The following ITPKB variants were observed in gnomAD, a reference collection of about 807,000 sequenced individuals.
ITPKB encodes IP3 3-kinase B.
In ITPKB, 13 loss-of-function variants were observed where a neutral mutation model predicts 69.4. That is an observed-to-expected ratio of 0.19 (90% CI 0.12 to 0.30). The LOEUF is 0.30. ITPKB is among the 10% of genes least tolerant of loss of function. The probability of loss-of-function intolerance (pLI) is 1.00; values close to 1 mark genes in which losing one functional copy is unlikely to be tolerated. For synonymous variants in ITPKB, 584 were observed against 513.7 expected (o/e 1.14, Z -1.85); for missense variants, 1,240 against 1,250.5 (o/e 0.99, Z 0.13).
At chr1:226,657,114 G>A (rs1435699976) in intron 2 of ITPKB, 1 of 152,244 alleles carries the variant, frequency 6.6e-6, no homozygotes, top group Non-Finnish European at 1.5e-5. Context: ...GCAGCTCCGG[G>A]AACTCATGGG....
chr1:226,673,643 G>A (rs534105871), intron 2 of ITPKB, among the ~76,000 whole-genome samples: 6 of 152,184 alleles, frequency 3.9e-5, no homozygotes, highest in East Asian at 1.9e-4. Context: ...TAGAGTCATC[G>A]TATAAACATA....
intron 2 of ITPKB, among the ~76,000 whole-genome samples, chr1:226,702,892 A>T (rs1182404221): frequency 6.6e-6 from 1 of 152,196 alleles, no homozygotes; most frequent in Non-Finnish European, 1.5e-5. Flanking sequence ...GAACTAAGAG[A>T]ATTTCATTCC....
At position 226,666,432 on chromosome 1, in the gene ITPKB, C is replaced by T. The variant is rs182419950; in HGVS notation, c.1933-17661G>A. Among the ~76,000 whole-genome samples the T allele has an allele frequency of 1.3e-3, 194 of 152,264 alleles. 1 individual carries two copies. Among genetic ancestry groups the T allele is most frequent in the African/African-American group, 4.5e-3 (187 of 41,550 alleles). On this transcript the variant is annotated intron_variant, in intron 2 of 7. Transcript: ENST00000429204. ...TGTGACGGACATGGCTCCCTGGTGT[C>T]CAGGGGCTCCAGGGGCTCTGGGAAG...
chr1:226,664,005 C>G (rs1417817433), intron 2 of ITPKB, among the ~76,000 whole-genome samples: 5 of 152,286 alleles, frequency 3.3e-5, no homozygotes, highest in African/African-American at 1.2e-4. Flanking sequence ...AACCAAGAAA[C>G]AGAGCATCGA....
chr1:226,668,804 A>C (rs372517331), intron 2 of ITPKB: 35 of 152,368 alleles, frequency 2.3e-4, no homozygotes, highest in African/African-American at 7.2e-4. Context: ...GATCATGATG[A>C]ATAGGGAAAG....
chr1:226,637,467 A>G lies in ITPKB; in HGVS notation c.2625+212T>C, dbSNP rs1185505425. 6.6e-6 allele frequency among the ~76,000 whole-genome samples: 1 copy of G among 152,208 alleles called. No homozygotes were observed. Among genetic ancestry groups the G allele is most frequent in the Admixed American group, 6.5e-5 (1 of 15,280 alleles). ...GACAAGGGAGGAGAAAGGGGGCAAT[A>G]GCCAGGGGTCTCAGGCAGGACAGCC... On this transcript the variant is annotated intron_variant, in intron 7 of 7. Transcript: ENST00000429204. The surrounding 1 kb of genome is among the most constrained non-coding windows in gnomAD (Gnocchi z 4.3).
At chr1:226,724,207 G>C (rs1005860731) in intron 2 of ITPKB, among the ~76,000 whole-genome samples, 2 of 152,090 alleles carry the variant, frequency 1.3e-5, no homozygotes, top group African/African-American at 4.8e-5. Context: ...GTGAGGGTGT[G>C]GGTTCAGGTC....
At chr1:226,651,512 C>G (rs891054263) in intron 2 of ITPKB, among the ~76,000 whole-genome samples, 1 of 152,122 alleles carries the variant, frequency 6.6e-6, no homozygotes, top group Admixed American at 6.5e-5. Context: ...GAAGTTACTT[C>G]AAGAATGGTC....
At position 226,712,907 on chromosome 1, in the gene ITPKB, C is replaced by T. The variant is rs543374097; in HGVS notation, c.1932+22620G>A. 3.9e-5 allele frequency among the ~76,000 whole-genome samples: 6 copies of T among 152,212 alleles called. 1 individual carries two copies. In the South Asian group the frequency reaches 1.0e-3, roughly 26 times the overall value. On this transcript the variant is annotated intron_variant, in intron 2 of 7. Coordinates refer to ENST00000429204, the MANE Select transcript of ITPKB (RefSeq NM_002221.4). ...CAGCAAACCACAGGATGGTCAGTAA[C>T]GCTCACGCAGCTGCACACAACTTCC...
At chr1:226,723,171 G>A (rs760082905) in intron 2 of ITPKB, among the ~76,000 whole-genome samples, 8 of 152,038 alleles carry the variant, frequency 5.3e-5, no homozygotes, top group South Asian at 2.1e-4. Flanking sequence ...CATCAGCTCC[G>A]TCCAGTCACC....
At chr1:226,658,627 T>G (rs16846350) in intron 2 of ITPKB, among the ~76,000 whole-genome samples, 1 of 151,724 alleles carries the variant, frequency 6.6e-6, no homozygotes, top group Non-Finnish European at 1.5e-5. Context: ...AAGACCCGAG[T>G]AAGGCTTTAT....
intron 2 of ITPKB, among the ~76,000 whole-genome samples, chr1:226,681,632 C>A (rs1284273846): frequency 1.3e-5 from 2 of 152,168 alleles, no homozygotes; most frequent in Non-Finnish European, 2.9e-5. Flanking sequence ...TAAACATTTT[C>A]TTTTAAAGCC....
rs1006836366 is a variant in ITPKB, at chr1:226,708,613, T to C, written c.1932+26914A>G. On this transcript the variant is annotated intron_variant, in intron 2 of 7. Transcript: ENST00000429204. The stretch of plus-strand genomic sequence containing the variant: ...CATTTCCACACAGGACACGAGGCCC[T>C]GTAGCACCCATCTGGCAACCACGAG... 2.6e-5 allele frequency among the ~76,000 whole-genome samples: 4 copies of C among 152,326 alleles called. No homozygotes were observed. In the East Asian group the frequency reaches 7.7e-4, roughly 29 times the overall value.
At chr1:226,733,971 T>C (rs1441489737) in intron 2 of ITPKB, among the ~76,000 whole-genome samples, 3 of 152,248 alleles carry the variant, frequency 2.0e-5, no homozygotes, top group African/African-American at 7.2e-5. Context: ...AAAGTGACTT[T>C]GGCTGTTTCA....
intron 4 of ITPKB, among the ~76,000 whole-genome samples, chr1:226,646,592 C>A (rs3754385): frequency 1.3e-5 from 2 of 152,150 alleles, no homozygotes; most frequent in Admixed American, 1.3e-4. Context: ...GTGACTGCTC[C>A]GGGCTCACCT....
At chr1:226,710,112 C>G (rs188081520) in intron 2 of ITPKB, among the ~76,000 whole-genome samples, 2 of 152,164 alleles carry the variant, frequency 1.3e-5, no homozygotes, top group African/African-American at 4.8e-5. Context: ...CTCACGGCCT[C>G]CTTCAGAAGG....
chr1:226,676,514 C>G (rs1277859848), intron 2 of ITPKB, among the ~76,000 whole-genome samples: 1 of 152,190 alleles, frequency 6.6e-6, no homozygotes, highest in Non-Finnish European at 1.5e-5. Context: ...TTCTAAAAAC[C>G]TTGGCTTCCT....
At chr1:226,730,580 G>A (rs770286095) in intron 2 of ITPKB, among the ~76,000 whole-genome samples, 8 of 152,032 alleles carry the variant, frequency 5.3e-5, no homozygotes, top group Non-Finnish European at 7.4e-5. Flanking sequence ...CTACCCTGAG[G>A]CTGCGATCAC....
chr1:226,734,652 T>A (rs1359125989), intron 2 of ITPKB, among the ~76,000 whole-genome samples: 1 of 152,186 alleles, frequency 6.6e-6, no homozygotes, highest in Non-Finnish European at 1.5e-5. Flanking sequence ...CTGATCCTCC[T>A]AAGAGTAAAA....
Sources: allele counts gnomAD v4.1 joint callset (sites outside exome capture counted in the v4.1 genomes callset), GRCh38; gene constraint gnomAD v4.1.1; non-coding constraint Gnocchi (gnomAD v3.1); transcripts MANE v1.5; gene names NCBI Gene and HGNC (gene_info 2026-07-23, HGNC 2026-07-21).